Variants in SERINC2 observed in about 807,000 individuals in gnomAD.
The protein encoded by SERINC2 is serine incorporator 2, also known as tumor differentially expressed protein 2.
A neutral mutation model predicts 54.2 loss-of-function variants in SERINC2; 56 were observed. That is an observed-to-expected ratio of 1.03 (90% CI 0.83 to 1.29). SERINC2 has a LOEUF of 1.29. SERINC2 is among the 50% of genes most tolerant of loss of function. SERINC2 has a pLI of 0.00. For missense variants in SERINC2, 614 were observed against 607.4 expected (o/e 1.01, Z -0.12); for synonymous variants, 272 against 253.1 (o/e 1.07, Z -0.71).
At chr1:31,418,710 C>T (rs1291962235) in intron 1 of SERINC2, among the ~76,000 whole-genome samples, 1 of 152,112 alleles carries the variant, frequency 6.6e-6, no homozygotes, top group Admixed American at 6.6e-5. Context: ...TTCATCCAGC[C>T]CTCAGCTGCC....
rs1641025077 is a variant in SERINC2 at position 31,425,773 on chromosome 1, C to T, written c.473-3C>T. The T allele has an allele frequency of 1.2e-6, 2 of 1,612,564 alleles. No individual in the cohort carries two copies. The highest frequency in any genetic ancestry group is 2.7e-5 in the African/African-American group (2 of 75,030). On this transcript the variant is annotated splice_polypyrimidine_tract_variant and splice_region_variant and intron_variant, in intron 4 of 9. Coordinates refer to ENST00000373709, the MANE Select transcript of SERINC2 (RefSeq NM_178865.5). ...CTCGCCTCACTCCCCTCTCCCCACC[C>T]AGTCTGGTTCTACTTCGGCGTCGTG...
At position 31,423,830 on chromosome 1, in the gene SERINC2, G is replaced by A. The variant is rs551862385; in HGVS notation, c.177G>A (p.Pro59=). ...TGGTGTCCATCATTATGCTGAGCCC[G>A]GGCGTGGAGAGTCAGCTCTACAAGG... The part of the protein sequence containing the change: ...GVLVSIIMLS[P]GVESQLYKLP... Residue 59 remains proline (P), a synonymous_variant, in exon 2 of 10, where the codon CCG becomes CCA. Coordinates refer to ENST00000373709, the MANE Select transcript of SERINC2 (RefSeq NM_178865.5). 197 of 1,613,994 alleles carry A rather than the reference G, an allele frequency of 1.2e-4. 1 individual carries two copies. The South Asian group carries it at 1.6e-3, about 13-fold the overall frequency.
intron 1 of SERINC2, chr1:31,415,974 C>G (rs1317237394): frequency 7.5e-6 from 7 of 927,358 alleles, no homozygotes; most frequent in Non-Finnish European, 9.0e-6. Context: ...GGCAAGCCGC[C>G]GGCACATGAT....
chr1:31,413,685 G>A lies in SERINC2; in HGVS notation c.39+381G>A. On this transcript the variant is annotated intron_variant, in intron 1 of 9. Coordinates refer to ENST00000373709, the MANE Select transcript of SERINC2 (RefSeq NM_178865.5). The surrounding 1 kb of genome is among the most constrained non-coding windows in gnomAD (Gnocchi z 5.0). ...GGTCCTCGGGGTGGCCTCTGTCCCC[G>A]TCCCGGACGCCCTGGTTCTCTGTGT... 1 of 1,075,200 alleles carries A rather than the reference G, an allele frequency of 9.3e-7. No individual in the cohort carries two copies. Among genetic ancestry groups the A allele is most frequent in the African/African-American group, 1.7e-5 (1 of 60,388 alleles). 66.6% of individuals were successfully genotyped at this position (1,075,200 alleles called of 1,614,324 possible). A position where few individuals can be genotyped will look rare whatever the true frequency, so the allele number is the denominator to read the frequency against.
upstream of SERINC2, chr1:31,410,175 G>T: frequency 2.1e-6 from 3 of 1,434,236 alleles, no homozygotes; most frequent in Non-Finnish European, 2.7e-6. Flanking sequence ...TGACTTGCCA[G>T]TATCACATAG....
chr1:31,413,186 A>T, upstream of SERINC2: 3 of 992,066 alleles, frequency 3.0e-6, no homozygotes, highest in Non-Finnish European at 3.6e-6. This position sits in a 1 kb window ranked among gnomAD's most constrained non-coding sequence, Gnocchi z 5.0. Flanking sequence ...GGGGCCGGGG[A>T]GGGGCCAGGC....
Position 31,421,039 on chromosome 1 carries a change from G to T in SERINC2, c.40-2654G>T, listed in dbSNP as rs1640891892. Among the ~76,000 whole-genome samples the T allele has an allele frequency of 3.9e-5, 6 of 152,182 alleles. No homozygotes were observed. In the South Asian group the frequency reaches 1.2e-3, roughly 32 times the overall value. On this transcript the variant is annotated intron_variant, in intron 1 of 9. Coordinates refer to ENST00000373709, the MANE Select transcript of SERINC2 (RefSeq NM_178865.5). The stretch of plus-strand genomic sequence containing the variant: ...ATGGACTAGTATCTATCCATGGCCT[G>T]TTAAGAACTGGGCCACACAGCAGGA...
chr1:31,410,632 C>T (rs189034519), upstream of SERINC2, among the ~76,000 whole-genome samples: 20 of 152,322 alleles, frequency 1.3e-4, 1 homozygote, highest in African/African-American at 4.6e-4. Context: ...CTGAGAGTGT[C>T]TTTGCAGATG....
intron 8 of SERINC2, among the ~76,000 whole-genome samples, chr1:31,430,658 T>A (rs919200578): frequency 1.3e-5 from 2 of 152,198 alleles, no homozygotes. Flanking sequence ...TGTGAACATT[T>A]GTATATTAGT....
In SERINC2 at chr1:31,423,718, C is replaced by G. The variant is rs1553133030; in HGVS notation, c.65C>G (p.Pro22Arg). The change falls in exon 2 of 10, where the codon CCC becomes CGC. Residue 22 changes from proline to arginine, a missense_variant. Physicochemically the swap from Pro to Arg is moderately radical, Grantham distance 103. Transcript: ENST00000373709. ...SCASCLCGSA[P>R]CILCSCCPAS... ...GCGTCCTGCCTCTGCGGCTCTGCCC[C>G]CTGCATCCTGTGCAGCTGCTGCCCC... 4 of 1,611,362 alleles carry G rather than the reference C, an allele frequency of 2.5e-6. No individual in the cohort carries two copies. Among genetic ancestry groups the G allele is most frequent in the South Asian group, 1.1e-5 (1 of 91,078 alleles).
rs781955302 is a variant in SERINC2, at chr1:31,433,181, T to C, written c.1228T>C (p.Tyr410His). The change falls in exon 9 of 10, where the codon TAC becomes CAC. Residue 410 changes from tyrosine to histidine, a missense_variant. Coordinates refer to ENST00000373709, the MANE Select transcript of SERINC2 (RefSeq NM_178865.5). ...LHVMMTLTNW[Y>H]KPGETRKMIS... Reference sequence around the variant, plus strand: ...CGTCATGATGACGCTCACCAACTGGTACAAGTGCGTAGCTGGTGGGGCATG... The same window carrying C: ...CGTCATGATGACGCTCACCAACTGGCACAAGTGCGTAGCTGGTGGGGCATG... The C allele has an allele frequency of 6.2e-6, 10 of 1,613,180 alleles. No individual in the cohort carries two copies. The East Asian group carries it at 2.2e-4, about 36-fold the overall frequency.
chr1:31,426,959 C>T (rs1211207627), intron 6 of SERINC2, 136 bp downstream of exon 6: 1 of 756,994 alleles, frequency 1.3e-6, no homozygotes, highest in African/African-American at 1.7e-5. Flanking sequence ...AGGTCAGCCT[C>T]CCCAGGTTAT....
At chr1:31,419,129 G>A (rs548435446) in intron 1 of SERINC2, among the ~76,000 whole-genome samples, 1 of 152,316 alleles carries the variant, frequency 6.6e-6, no homozygotes, top group East Asian at 1.9e-4. Flanking sequence ...AGGAAGAGGG[G>A]AGTGGTTGTA....
intron 1 of SERINC2, among the ~76,000 whole-genome samples, chr1:31,421,686 T>A (rs1640904994): frequency 6.6e-6 from 1 of 152,202 alleles, no homozygotes. Context: ...CAGCCTGCTC[T>A]TTTCAAAGCT....
At position 31,424,801 on chromosome 1, in the gene SERINC2, T is replaced by C; in HGVS notation, c.320T>C (p.Phe107Ser). Residue 107 changes from phenylalanine to serine, a missense_variant, in exon 3 of 10, where the codon TTC (phenylalanine) becomes TCC (serine). Phe to Ser is a radical substitution (Grantham distance 155). Coordinates refer to ENST00000373709, the MANE Select transcript of SERINC2 (RefSeq NM_178865.5). ...VYRMCFATAA[F>S]FFFFTLLMLC... ...CGCATGTGCTTCGCCACGGCGGCCT[T>C]CTTCTTCTTTTTCACCCTGCTCATG... is the stretch of plus-strand genomic sequence containing the variant. 6.2e-7 allele frequency: 1 copy of C among 1,611,394 alleles called. No individual in the cohort carries two copies. Among genetic ancestry groups the C allele is most frequent in the Non-Finnish European group, 8.5e-7 (1 of 1,179,086 alleles).
intron 8 of SERINC2, among the ~76,000 whole-genome samples, chr1:31,432,679 C>T (rs1487294866): frequency 6.6e-6 from 1 of 152,116 alleles, no homozygotes; most frequent in Admixed American, 6.5e-5. Context: ...TGCTAGAGAC[C>T]TTACATCATT....
Position 31,429,429 on chromosome 1 carries a change from C to T in SERINC2, c.904C>T (p.Leu302=), listed in dbSNP as rs143409234. 17 of 1,613,746 alleles carry T rather than the reference C, an allele frequency of 1.1e-5. No individual in the cohort carries two copies. The highest frequency in any genetic ancestry group is 1.4e-5 in the Non-Finnish European group (16 of 1,179,834). ...QKCNPHLPTQ[L]GNETVVAGPE... The stretch of plus-strand genomic sequence containing the variant: ...ATGCAACCCCCATTTGCCAACCCAG[C>T]TGGGCAACGAGACAGTTGTGGCAGG... The change falls in exon 8 of 10, where the codon CTG becomes TTG. Residue 302 remains leucine, a synonymous_variant. Transcript: ENST00000373709.
At chr1:31,425,466 G>A (rs1641015367) in intron 4 of SERINC2, 57 bp downstream of exon 4, 4 of 1,304,134 alleles carry the variant, frequency 3.1e-6, no homozygotes, top group East Asian at 2.3e-5. Context: ...GGGGCGGCAG[G>A]TTGGAGGAAC....
rs1553135377 is a variant in SERINC2, at chr1:31,434,245, C to A, written c.*46C>A. On this transcript the variant is annotated 3_prime_UTR_variant, in exon 10 of 10. Coordinates refer to ENST00000373709, the MANE Select transcript of SERINC2 (RefSeq NM_178865.5). ...TCTGGTGCCTCCTGCCACCTGGTGC[C>A]TCTCGGCTCAGTGACAGCCAACCTG... 6.3e-7 allele frequency: 1 copy of A among 1,590,690 alleles called. No individual in the cohort carries two copies. The highest frequency in any genetic ancestry group is 8.5e-7 in the Non-Finnish European group (1 of 1,169,682).
Sources: allele counts gnomAD v4.1 joint callset (sites outside exome capture counted in the v4.1 genomes callset), GRCh38; gene constraint gnomAD v4.1.1; non-coding constraint Gnocchi (gnomAD v3.1); transcripts MANE v1.5; gene names NCBI Gene and HGNC (gene_info 2026-07-23, HGNC 2026-07-21).